The following MTUS1 variants were observed in gnomAD, a reference collection of about 807,000 sequenced individuals.
MTUS1 encodes the protein microtubule associated scaffold protein 1.
A neutral mutation model predicts 120.8 loss-of-function variants in MTUS1; 109 were observed. The observed-to-expected ratio is 0.90, with a 90% CI of 0.77 to 1.06. MTUS1 has a LOEUF of 1.06. Ranked by LOEUF, MTUS1 falls within the 50% of genes least tolerant of loss-of-function variation. The pLI, the probability that MTUS1 is intolerant of heterozygous loss-of-function variation, is 0.00. For synonymous variants in MTUS1, 737 were observed against 550.5 expected (o/e 1.34, Z -4.74); for missense variants, 2,210 against 1,486.3 (o/e 1.49, Z -8.01).
At chr8:17,702,768 T>C (rs932777281) in intron 6 of MTUS1, among the ~76,000 whole-genome samples, 2 of 152,206 alleles carry the variant, frequency 1.3e-5, no homozygotes, top group African/African-American at 4.8e-5. Flanking sequence ...CTTTATCCTA[T>C]GGACACATTT....
At chr8:17,650,442 C>T (rs189645560) in intron 12 of MTUS1, among the ~76,000 whole-genome samples, 9 of 152,284 alleles carry the variant, frequency 5.9e-5, no homozygotes, top group South Asian at 2.1e-4. Context: ...GATGGGGCTA[C>T]GTTGACTGGG....
intron 1 of MTUS1, among the ~76,000 whole-genome samples, chr8:17,775,594 T>C (rs963626066): frequency 3.9e-5 from 6 of 152,256 alleles, no homozygotes; most frequent in Non-Finnish European, 8.8e-5. Flanking sequence ...AAATCTTCAA[T>C]GAAATTCTCA....
At chr8:17,792,076 T>C (rs192395468) in intron 1 of MTUS1, among the ~76,000 whole-genome samples, 1 of 152,328 alleles carries the variant, frequency 6.6e-6, no homozygotes, top group Admixed American at 6.5e-5. Flanking sequence ...GTGCACTCTC[T>C]ATGACATTAC....
At chr8:17,785,037 G>A (rs62498382) in intron 1 of MTUS1, among the ~76,000 whole-genome samples, 8 of 152,044 alleles carry the variant, frequency 5.3e-5, no homozygotes, top group African/African-American at 1.2e-4. Flanking sequence ...CACCTGCCTC[G>A]GCCTCCCAAA....
intron 7 of MTUS1, among the ~76,000 whole-genome samples, chr8:17,678,377 G>T (rs1335827623): frequency 6.6e-6 from 1 of 151,624 alleles, no homozygotes; most frequent in Non-Finnish European, 1.5e-5. Context: ...AAAGAGAAAG[G>T]TGGAAATCTG....
At chr8:17,651,234 A>T (rs990624309) in intron 12 of MTUS1, among the ~76,000 whole-genome samples, 2 of 152,186 alleles carry the variant, frequency 1.3e-5, no homozygotes, top group Admixed American at 6.5e-5. Context: ...TGGTTAATGC[A>T]TACAAACATA....
intron 3 of MTUS1, among the ~76,000 whole-genome samples, chr8:17,725,457 C>T (rs899454813): frequency 6.6e-5 from 10 of 152,214 alleles, no homozygotes; most frequent in African/African-American, 2.4e-4. Context: ...CTCGCTTTCT[C>T]TCTGACACCA....
chr8:17,773,951 C>T (rs2050204458), intron 1 of MTUS1, among the ~76,000 whole-genome samples: 1 of 152,116 alleles, frequency 6.6e-6, no homozygotes, highest in African/African-American at 2.4e-5. Flanking sequence ...CTAGGAGGCA[C>T]ACCTAACCAT....
intron 7 of MTUS1, among the ~76,000 whole-genome samples, chr8:17,684,068 G>C (rs1022075609): frequency 6.6e-6 from 1 of 152,146 alleles, no homozygotes; most frequent in African/African-American, 2.4e-5. Context: ...ACCGGCGTAA[G>C]AGGCAATTAT....
chr8:17,765,609 ACT>A (rs1422050039), intron 1 of MTUS1, among the ~76,000 whole-genome samples: 1 of 106,066 alleles, frequency 9.4e-6, no homozygotes, highest in Non-Finnish European at 1.9e-5. Context: ...ACAGAGCAAG[ACT>A]CTGTCTCAAA....
At chr8:17,652,855 G>C (rs1022035563) in intron 12 of MTUS1, among the ~76,000 whole-genome samples, 34 of 151,310 alleles carry the variant, frequency 2.2e-4, no homozygotes, top group African/African-American at 7.5e-4. Flanking sequence ...AAAAGAAAGA[G>C]TGAACTTTGT....
At chr8:17,747,093 G>C (rs926470736) in intron 2 of MTUS1, among the ~76,000 whole-genome samples, 1 of 152,038 alleles carries the variant, frequency 6.6e-6, no homozygotes, top group Admixed American at 6.6e-5. Context: ...ACTCGAATAG[G>C]GTTAGACACC....
chr8:17,758,985 G>A (rs1029299002), intron 1 of MTUS1, among the ~76,000 whole-genome samples: 9 of 152,266 alleles, frequency 5.9e-5, no homozygotes, highest in South Asian at 2.1e-4. Context: ...GGGTTCAAGC[G>A]ATTACCCTGC....
At chr8:17,745,288 T>G (rs892803189) in intron 2 of MTUS1, among the ~76,000 whole-genome samples, 3 of 152,172 alleles carry the variant, frequency 2.0e-5, no homozygotes, top group African/African-American at 7.2e-5. Context: ...ATCTCTTATA[T>G]GAAATGGTGT....
In MTUS1 at chr8:17,784,858, C is replaced by T. The variant is rs142965544; in HGVS notation, c.-155+16203G>A. On this transcript the variant is annotated intron_variant, in intron 1 of 14. Transcript: ENST00000693296. The stretch of plus-strand genomic sequence containing the variant: ...GGAGTACAGTGGTGCAATCTTGGCT[C>T]ACTGCAACCTCCGCCTCCCGGCTTC... 2.6e-5 allele frequency among the ~76,000 whole-genome samples: 4 copies of T among 151,666 alleles called. No homozygotes were observed. The East Asian group carries it at 7.8e-4, about 29-fold the overall frequency.
intron 10 of MTUS1, 145 bp downstream of exon 10, chr8:17,654,416 C>A (rs2285300): frequency 0.68 from 423,545 of 621,270 alleles, 145,814 homozygotes; most frequent in Middle Eastern, 0.83. Context: ...AACAATAAAC[C>A]ACGCAAAAAG....
intron 4 of MTUS1, among the ~76,000 whole-genome samples, chr8:17,717,106 G>T (rs117941479): frequency 0.011 from 1,628 of 152,246 alleles, 13 homozygotes; most frequent in Admixed American, 0.016. Flanking sequence ...CTTTGTACAG[G>T]CGTGCTATTA....
chr8:17,666,701 T>C (rs1333058291), intron 8 of MTUS1, among the ~76,000 whole-genome samples: 1 of 152,180 alleles, frequency 6.6e-6, no homozygotes, highest in Non-Finnish European at 1.5e-5. Context: ...TGGTCTCCTG[T>C]TAACCTGAGG....
intron 3 of MTUS1, among the ~76,000 whole-genome samples, chr8:17,729,653 T>C (rs1300275085): frequency 2.0e-5 from 3 of 152,170 alleles, no homozygotes; most frequent in African/African-American, 4.8e-5. Context: ...TGAATTGATA[T>C]CTTATTAAAT....
Sources: gnomAD v4.1 joint callset for allele counts (sites outside exome capture counted in the v4.1 genomes callset) on GRCh38, gnomAD v4.1.1 for gene constraint, MANE v1.5 for transcripts, NCBI Gene and HGNC (gene_info 2026-07-23, HGNC 2026-07-21) for gene names.